Variants in MST1 observed in about 807,000 individuals in gnomAD.
The protein encoded by MST1 is hepatocyte growth factor-like protein.
MST1 carries 76 observed loss-of-function variants against 100.1 expected under a neutral mutation model. That is an observed-to-expected ratio of 0.76 (90% CI 0.63 to 0.92). MST1 has a LOEUF of 0.92. Ranked by LOEUF, MST1 falls within the 40% of genes least tolerant of loss-of-function variation. The pLI, the probability that MST1 is intolerant of heterozygous loss-of-function variation, is 0.00. For missense variants in MST1, 850 were observed against 990.0 expected (o/e 0.86, Z 1.90); for synonymous variants, 352 against 385.4 (o/e 0.91, Z 1.01).
intron 1 of MST1, 82 bp downstream of exon 1, chr3:49,688,516 G>C: frequency 1.3e-6 from 2 of 1,516,572 alleles, no homozygotes; most frequent in Non-Finnish European, 1.8e-6. Flanking sequence ...CTGGCTCCCC[G>C]ACTTTTTTCT....
chr3:49,687,138 G>A lies in MST1; in HGVS notation c.607+11C>T. 1 of 1,613,042 alleles carries A rather than the reference G, an allele frequency of 6.2e-7. No homozygotes were observed. On this transcript the variant is annotated intron_variant, in intron 5 of 17. Transcript: ENST00000449682. The stretch of plus-strand genomic sequence containing the variant: ...CCCTCCACTCTCCCAGCTTGACCCG[G>A]CGCCGCTTACCCTCCCGGCAGGATT...
rs1156480806 is a variant in MST1 at position 49,687,545 on chromosome 3, C to A, written c.355+11G>T. The A allele has an allele frequency of 1.2e-6, 2 of 1,613,338 alleles. No individual in the cohort carries two copies. Among genetic ancestry groups the A allele is most frequent in the African/African-American group, 1.3e-5 (1 of 74,926 alleles). On this transcript the variant is annotated intron_variant, in intron 3 of 17. Transcript: ENST00000449682. ...CTGTCTCCCACCCTGCCCCTCTCCACCCCCACTTGCCTTTCTTCTGGAAGA... is the reference window on the plus strand; with the variant it reads ...CTGTCTCCCACCCTGCCCCTCTCCAACCCCACTTGCCTTTCTTCTGGAAGA...
At position 49,686,345 on chromosome 3, in the gene MST1, C is replaced by A. The variant is rs201190441; in HGVS notation, c.984G>T (p.Gln328His). ...CGTATTTTTCTGGCGTAAATCGGTG[C>A]TGATGCGGGATTTGCGCGTCCCAAC... ...CQRWDAQIPH[Q>H]HRFTPEKYAC... is the part of the protein sequence containing the mutation. The change falls in exon 8 of 18, where the codon CAG becomes CAT. Residue 328 changes from glutamine to histidine, a missense_variant. Gln to His is a conservative substitution (Grantham distance 24, BLOSUM62 0). Transcript: ENST00000449682. The A allele has an allele frequency of 3.2e-4, 496 of 1,544,696 alleles. 1 individual carries two copies. The East Asian group carries it at 9.2e-3, about 29-fold the overall frequency.
Position 49,686,244 on chromosome 3 carries a change from C to A in MST1, c.1017-52G>T, listed in dbSNP as rs542022062. ...GCCCGCCAGCCTCCAGCCTTGAGCC[C>A]GTGACTACCTTCCTCCCGTCTCACC... On this transcript the variant is annotated intron_variant, in intron 8 of 17. Coordinates refer to ENST00000449682, the MANE Select transcript of MST1 (RefSeq NM_020998.4). The A allele has an allele frequency of 2.5e-6, 4 of 1,607,218 alleles. No individual in the cohort carries two copies. In the South Asian group the frequency reaches 3.3e-5, roughly 13 times the overall value.
In MST1 at chr3:49,687,347, G is replaced by A. The variant is rs1354500375; in HGVS notation, c.470+17C>T. On this transcript the variant is annotated intron_variant, in intron 4 of 17. Transcript: ENST00000449682. ...GGAAGGCCCCAGGCCGGGACGGAGG[G>A]AAGGTGTTTGTCTCACTTGTGATCA... is the stretch of plus-strand genomic sequence containing the variant. 6.2e-6 allele frequency: 10 copies of A among 1,613,482 alleles called. No homozygotes were observed. Among genetic ancestry groups the A allele is most frequent in the Admixed American group, 1.7e-5 (1 of 60,022 alleles).
chr3:49,686,699 C>T lies in MST1; in HGVS notation c.832G>A (p.Asp278Asn). ...CGCCGCCTACCGCAGCGGGGGAGGTCACAGAACTCTCGCTCGATCTGCGGA... is the reference window on the plus strand; with the variant it reads ...CGCCGCCTACCGCAGCGGGGGAGGTTACAGAACTCTCGCTCGATCTGCGGA... Reference protein sequence around the residue: ...TDPQIEREFCDLPRCGSEAQP... With the variant: ...TDPQIEREFCNLPRCGSEAQP... Residue 278 changes from aspartate (D) to asparagine (N), a missense_variant, in exon 7 of 18, where the codon GAC becomes AAC. Asp to Asn is a conservative substitution (Grantham distance 23). Around this residue, in one of 2 missense-constraint regions of MST1, gnomAD observed 816 missense variants for 924.6 expected, o/e 0.88. Transcript: ENST00000449682. The T allele has an allele frequency of 1.3e-6, 2 of 1,573,396 alleles. No individual in the cohort carries two copies. Among genetic ancestry groups the T allele is most frequent in the South Asian group, 1.2e-5 (1 of 86,834 alleles).
At chr3:49,686,289 G>GCCCCCCACCCCCCCCCCCCC in intron 8 of MST1, 24 bp downstream of exon 8, 1 of 1,235,664 alleles carries the variant, frequency 8.1e-7, no homozygotes, top group Non-Finnish European at 1.1e-6. Context: ...ACGTCCCAAC[G>GCCCCCCACCCCCCCCCCCCC]CCCGCCCCCC....
rs757367745 is a variant in MST1 at position 49,686,637 on chromosome 3, C to T, written c.847+47G>A. On this transcript the variant is annotated intron_variant, in intron 7 of 17. Transcript: ENST00000449682. Reference sequence around the variant, plus strand: ...ACCTCCCCGGCCAAGCCACGCCCCTCCCCAAGGTTCCCAGGTACCCTCCCA... The same window carrying T: ...ACCTCCCCGGCCAAGCCACGCCCCTTCCCAAGGTTCCCAGGTACCCTCCCA... 9 of 1,548,710 alleles carry T rather than the reference C, an allele frequency of 5.8e-6. No individual in the cohort carries two copies. In the South Asian group the frequency reaches 9.5e-5, roughly 16 times the overall value.
chr3:49,684,775 G>A lies in MST1; in HGVS notation c.1732C>T (p.Pro578Ser), dbSNP rs1229674984. ...RVPVAKMVCG[P>S]SGSQLVLLKL... ...AGCAGGACAAGCTGGGAGCCTGAGG[G>A]CCCACACACCATCTTGGCTACTGGG... Residue 578 changes from proline to serine, a missense_variant, in exon 15 of 18, where the codon CCC (proline) becomes TCC (serine). Physicochemically the swap from Pro to Ser is moderately conservative, Grantham distance 74 (BLOSUM62 -1). Around this residue, in one of 2 missense-constraint regions of MST1, gnomAD observed 816 missense variants for 924.6 expected, o/e 0.88. Transcript: ENST00000449682. 3.7e-6 allele frequency: 6 copies of A among 1,613,532 alleles called. No individual in the cohort carries two copies. Among genetic ancestry groups the A allele is most frequent in the Non-Finnish European group, 3.4e-6 (4 of 1,179,850 alleles).
rs1167194498 is a variant in MST1, at chr3:49,687,383, T to C, written c.451A>G (p.Lys151Glu). 25 of 1,613,412 alleles carry C rather than the reference T, an allele frequency of 1.5e-5. No homozygotes were observed. The highest frequency in any genetic ancestry group is 2.0e-5 in the Non-Finnish European group (24 of 1,179,870). ...GGLPCQAWSHKFPNDHKYTPT... is the reference protein window; with the variant it reads ...GGLPCQAWSHEFPNDHKYTPT... ...TCTCACTTGTGATCATTTGGGAACT[T>C]GTGGCTCCAAGCCTGGCAGGGCAGG... The change falls in exon 4 of 18, where the codon AAG (lysine) becomes GAG (glutamate). Residue 151 changes from lysine to glutamate, a missense_variant. This residue lies in a region of MST1 where 816 missense variants were observed against 924.6 expected (regional missense o/e 0.88). Coordinates refer to ENST00000449682, the MANE Select transcript of MST1 (RefSeq NM_020998.4).
chr3:49,687,195 G>C lies in MST1; in HGVS notation c.561C>G (p.Asp187Glu). ...DPGGPWCYTT[D>E]PAVRFQSCGI... is the part of the protein sequence containing the mutation. ...CGCAGCTCTGGAAGCGCACAGCAGG[G>C]TCTGTTGTGTAGCACCAAGGACCTC... is the stretch of plus-strand genomic sequence containing the variant. The change falls in exon 5 of 18, where the codon GAC (aspartate) becomes GAG (glutamate). Residue 187 changes from aspartate (D) to glutamate (E), a missense_variant. Physicochemically the swap from Asp to Glu is conservative, Grantham distance 45 (BLOSUM62 2). Around this residue, in one of 2 missense-constraint regions of MST1, gnomAD observed 816 missense variants for 924.6 expected, o/e 0.88. Coordinates refer to ENST00000449682, the MANE Select transcript of MST1 (RefSeq NM_020998.4). The C allele has an allele frequency of 6.2e-7, 1 of 1,613,424 alleles. No individual in the cohort carries two copies.
rs371036316 is a variant in MST1 at position 49,685,699 on chromosome 3, C to G, written c.1284G>C (p.Leu428=). The stretch of plus-strand genomic sequence containing the variant: ...CTGGGTTCCGGCAGAAGTTCTCCTC[C>G]AGTTGTGCATGCGGTTCGGAGGTAA... ...FTFTSEPHAQ[L]EENFCRNPDG... Residue 428 remains leucine (L), a synonymous_variant, in exon 11 of 18, where the codon CTG becomes CTC. Transcript: ENST00000449682. The G allele has an allele frequency of 5.6e-6, 9 of 1,613,126 alleles. No homozygotes were observed. The African/African-American group carries it at 1.2e-4, about 22-fold the overall frequency.
chr3:49,684,691 C>T (rs548146276), intron 15 of MST1, 35 bp from the exon 16 acceptor site: 3 of 1,613,114 alleles, frequency 1.9e-6, no homozygotes, highest in African/African-American at 2.7e-5. Context: ...GGGTCTGAGG[C>T]CACAAGGCCC....
At chr3:49,688,014 A>C in intron 1 of MST1, 117 bp from the exon 2 acceptor site, 1 of 1,397,570 alleles carries the variant, frequency 7.2e-7, no homozygotes, top group Non-Finnish European at 9.6e-7. Flanking sequence ...TCTGGGATGG[A>C]CCCTGTATGC....
chr3:49,686,820 G>A lies in MST1; in HGVS notation c.729-18C>T. On this transcript the variant is annotated intron_variant, in intron 6 of 17. Transcript: ENST00000449682. ...CGAGGAACCTGGGGGCGGTAATGGG[G>A]CGTGAACAAGACCCTGGGACTCTGG... The A allele has an allele frequency of 6.2e-7, 1 of 1,612,632 alleles. No individual in the cohort carries two copies. Among genetic ancestry groups the A allele is most frequent in the Non-Finnish European group, 8.5e-7 (1 of 1,179,812 alleles).
At chr3:49,686,623 C>T in intron 7 of MST1, 61 bp downstream of exon 7, 1 of 1,549,374 alleles carries the variant, frequency 6.5e-7, no homozygotes. Context: ...CCTCCCCGGC[C>T]AAGCCACGCC....
Position 49,684,420 on chromosome 3 carries a change from A to C in MST1, c.1910T>G (p.Leu637Trp). 1.9e-6 allele frequency: 3 copies of C among 1,613,474 alleles called. No homozygotes were observed. Among genetic ancestry groups the C allele is most frequent in the Non-Finnish European group, 2.5e-6 (3 of 1,179,860 alleles). The change falls in exon 17 of 18, where the codon TTG (leucine) becomes TGG (tryptophan). Residue 637 changes from leucine to tryptophan, a missense_variant. Physicochemically the swap from Leu to Trp is moderately conservative, Grantham distance 61. Coordinates refer to ENST00000449682, the MANE Select transcript of MST1 (RefSeq NM_020998.4). ...CTCCTGGTTGGAGATGACATTCAGCAAGGCCACATTTAGGACTGTGTCATT... is the reference window on the plus strand; with the variant it reads ...CTCCTGGTTGGAGATGACATTCAGCCAGGCCACATTTAGGACTGTGTCATT... Reference protein sequence around the residue: ...TGNDTVLNVALLNVISNQECN... With the variant: ...TGNDTVLNVAWLNVISNQECN...
At chr3:49,687,318 T>C (rs1194008932) in intron 4 of MST1, 33 bp from the exon 5 acceptor site, 4 of 1,613,348 alleles carry the variant, frequency 2.5e-6, no homozygotes, top group Non-Finnish European at 3.4e-6. Flanking sequence ...TAGTGTGTGC[T>C]GGGGGAAGGC....
Position 49,686,675 on chromosome 3 carries a change from G to C in MST1, c.847+9C>G. The C allele has an allele frequency of 6.4e-7, 1 of 1,551,722 alleles. No homozygotes were observed. Among genetic ancestry groups the C allele is most frequent in the Non-Finnish European group, 8.7e-7 (1 of 1,146,922 alleles). On this transcript the variant is annotated intron_variant, in intron 7 of 17. Coordinates refer to ENST00000449682, the MANE Select transcript of MST1 (RefSeq NM_020998.4). ...AGGTACCCTCCCAGGCCTGGTCCCC[G>C]CCGCCTACCGCAGCGGGGGAGGTCA...
Sources: allele counts gnomAD v4.1 joint callset, GRCh38; gene constraint gnomAD v4.1.1; regional missense constraint gnomAD v4.1.1; transcripts MANE v1.5; gene names NCBI Gene and HGNC (gene_info 2026-07-23, HGNC 2026-07-21).